MELK: variants seen among roughly 807,000 people sequenced by gnomAD.
MELK encodes pEg3 kinase.
MELK carries 81 observed loss-of-function variants against 85.0 expected under a neutral mutation model. That is an observed-to-expected ratio of 0.95 (90% CI 0.80 to 1.15). The LOEUF (loss-of-function observed/expected upper bound fraction) is 1.15. Among genes scored for constraint, MELK ranks in the 50% most tolerant of loss-of-function variants. The probability of loss-of-function intolerance (pLI) is 0.00; values close to 1 mark genes in which losing one functional copy is unlikely to be tolerated. For synonymous variants in MELK, 252 were observed against 265.0 expected, an observed-to-expected ratio of 0.95 and a Z score of 0.48; for missense variants, 754 against 777.5, an observed-to-expected ratio of 0.97 and a Z score of 0.36.
In MELK at chr9:36,594,755, A is replaced by G; in HGVS notation, c.389A>G (p.His130Arg). 6.2e-7 allele frequency: 1 copy of G among 1,613,700 alleles called. No homozygotes were observed. Among genetic ancestry groups the G allele is most frequent in the Non-Finnish European group, 8.5e-7 (1 of 1,179,888 alleles). ...TATGTGCACAGCCAGGGCTATGCTC[A>G]CAGGGACCTCAAGCCAGTAAGTGAC... ...VAYVHSQGYAHRDLKPENLLF... is the reference protein window; with the variant it reads ...VAYVHSQGYARRDLKPENLLF... Residue 130 changes from histidine (H) to arginine (R), a missense_variant, in exon 5 of 18, where the codon CAC (histidine) becomes CGC (arginine). Transcript: ENST00000298048.
At chr9:36,606,558 GTATATAA>G (rs1215772965) in intron 7 of MELK, among the ~76,000 whole-genome samples, 234 of 132,632 alleles carry the variant, frequency 1.8e-3, no homozygotes, top group African/African-American at 6.1e-3. Flanking sequence ...GTATAGGTGT[GTATATAA>G]TATATAATAT....
At chr9:36,603,622 T>C (rs566159345) in intron 7 of MELK, among the ~76,000 whole-genome samples, 4 of 152,056 alleles carry the variant, frequency 2.6e-5, no homozygotes, top group African/African-American at 9.6e-5. Flanking sequence ...TTTGTAGAGA[T>C]AGGGTCTTGC....
chr9:36,649,289 A>G lies in MELK; in HGVS notation c.922-2457A>G, dbSNP rs1830481876. 2.0e-5 allele frequency among the ~76,000 whole-genome samples: 3 copies of G among 152,118 alleles called. No individual in the cohort carries two copies. The South Asian group carries it at 6.2e-4, about 32-fold the overall frequency. ...ATCATGAGGTCAGGAGATCGAGACCATCCTGGCTAGCACGGTGAAACCCTG... is the reference window on the plus strand; with the variant it reads ...ATCATGAGGTCAGGAGATCGAGACCGTCCTGGCTAGCACGGTGAAACCCTG... On this transcript the variant is annotated intron_variant, in intron 11 of 17. Transcript: ENST00000298048.
intron 4 of MELK, among the ~76,000 whole-genome samples, chr9:36,590,410 A>C (rs867903265): frequency 2.0e-5 from 3 of 151,988 alleles, no homozygotes; most frequent in Non-Finnish European, 2.9e-5. Context: ...CCTCTTTGCT[A>C]GTTGTTGGTA....
intron 10 of MELK, among the ~76,000 whole-genome samples, chr9:36,637,251 C>G (rs2136732412): frequency 6.6e-6 from 1 of 152,232 alleles, no homozygotes; most frequent in African/African-American, 2.4e-5. Flanking sequence ...GTGACAAAGC[C>G]CAGAGCCACT....
At chr9:36,611,500 T>G (rs1173397342) in intron 8 of MELK, among the ~76,000 whole-genome samples, 1 of 152,194 alleles carries the variant, frequency 6.6e-6, no homozygotes, top group Non-Finnish European at 1.5e-5. Flanking sequence ...ACATTAGAAT[T>G]GCTTGGGGTG....
chr9:36,592,140 C>T (rs2135387347), intron 4 of MELK, among the ~76,000 whole-genome samples: 1 of 151,008 alleles, frequency 6.6e-6, no homozygotes, highest in Non-Finnish European at 1.5e-5. Flanking sequence ...GCGTGAGCAA[C>T]TATGCCCCAC....
At chr9:36,606,252 C>G (rs1163693265) in intron 7 of MELK, among the ~76,000 whole-genome samples, 1 of 147,058 alleles carries the variant, frequency 6.8e-6, no homozygotes, top group Non-Finnish European at 1.5e-5. Context: ...AGGCTAATTT[C>G]TAGTCTATAT....
chr9:36,622,862 G>A (rs1827574501), intron 8 of MELK, among the ~76,000 whole-genome samples: 1 of 152,164 alleles, frequency 6.6e-6, no homozygotes, highest in African/African-American at 2.4e-5. Flanking sequence ...GGATTATTTT[G>A]CTTAGTCCAT....
Position 36,599,497 on chromosome 9 carries a change from A to T in MELK, c.567+11A>T. On this transcript the variant is annotated intron_variant, in intron 7 of 17. Transcript: ENST00000298048. ...TATCTTGGATCAGAGGTAATTATTC[A>T]TTGATTAATTCATTATATAATCAGC... The T allele has an allele frequency of 6.3e-7, 1 of 1,589,750 alleles. No individual in the cohort carries two copies. Among genetic ancestry groups the T allele is most frequent in the African/African-American group, 1.3e-5 (1 of 74,514 alleles).
chr9:36,580,097 G>A (rs1822062897), intron 1 of MELK, among the ~76,000 whole-genome samples: 1 of 148,234 alleles, frequency 6.7e-6, no homozygotes, highest in African/African-American at 2.5e-5. Flanking sequence ...GCCCAGGCTG[G>A]AGTGCAGTGG....
chr9:36,642,858 C>T, intron 10 of MELK, 139 bp from the exon 11 acceptor site: 1 of 637,556 alleles, frequency 1.6e-6, no homozygotes, highest in Non-Finnish European at 2.7e-6. Context: ...AATATTGATT[C>T]TTCCCCAAGA....
intron 8 of MELK, among the ~76,000 whole-genome samples, chr9:36,617,407 A>T (rs2136133873): frequency 6.6e-6 from 1 of 151,274 alleles, no homozygotes; most frequent in East Asian, 1.9e-4. Context: ...GTCATAGTTC[A>T]TTGCAACCTC....
chr9:36,610,528 G>A (rs1044505184), intron 8 of MELK, among the ~76,000 whole-genome samples: 3 of 152,256 alleles, frequency 2.0e-5, no homozygotes, highest in African/African-American at 4.8e-5. Context: ...GTGAAGGGGA[G>A]ATAAATGAGG....
chr9:36,673,571 G>A (rs905470710), intron 16 of MELK, among the ~76,000 whole-genome samples: 1 of 152,092 alleles, frequency 6.6e-6, no homozygotes, highest in Admixed American at 6.6e-5. Context: ...TGGGATGCGT[G>A]CTACCACACT....
chr9:36,593,107 T>C (rs964040918), intron 4 of MELK, among the ~76,000 whole-genome samples: 1 of 152,208 alleles, frequency 6.6e-6, no homozygotes, highest in African/African-American at 2.4e-5. Flanking sequence ...TGTAAGCCAC[T>C]ATATCAATCT....
intron 10 of MELK, among the ~76,000 whole-genome samples, chr9:36,639,659 A>C (rs1829563828): frequency 6.6e-6 from 1 of 152,332 alleles, no homozygotes; most frequent in East Asian, 1.9e-4. Context: ...TCTTTGGAAG[A>C]CACAGCTTGA....
chr9:36,638,648 T>C (rs1260779420), intron 10 of MELK, among the ~76,000 whole-genome samples: 2 of 152,202 alleles, frequency 1.3e-5, no homozygotes, highest in South Asian at 2.1e-4. Context: ...AATAGTGTAC[T>C]ATTTTAGTAA....
At chr9:36,615,271 A>T (rs1282824268) in intron 8 of MELK, among the ~76,000 whole-genome samples, 1 of 110,074 alleles carries the variant, frequency 9.1e-6, no homozygotes, top group African/African-American at 4.5e-5. Context: ...TCCCTCCCAG[A>T]CGGCACGGCT....
Sources: allele counts gnomAD v4.1 joint callset (sites outside exome capture counted in the v4.1 genomes callset), GRCh38; gene constraint gnomAD v4.1.1; transcripts MANE v1.5; gene names NCBI Gene and HGNC (gene_info 2026-07-23, HGNC 2026-07-21).